CDH8: variants seen among roughly 807,000 people sequenced by gnomAD.
CDH8 encodes the protein cadherin 8.
CDH8 carries 17 observed loss-of-function variants against 68.1 expected under a neutral mutation model. That is an observed-to-expected ratio of 0.25 (90% CI 0.17 to 0.37). The LOEUF (loss-of-function observed/expected upper bound fraction) is 0.37, where lower values mean the gene tolerates loss of function less well. Ranked by LOEUF, CDH8 falls within the 10% of genes least tolerant of loss-of-function variation. The probability of loss-of-function intolerance (pLI) is 1.00; values close to 1 mark genes in which losing one functional copy is unlikely to be tolerated. For missense variants in CDH8, 763 were observed against 999.3 expected, an observed-to-expected ratio of 0.76 and a Z score of 3.19; for synonymous variants, 372 against 365.1, an observed-to-expected ratio of 1.02 and a Z score of -0.21.
intron 4 of CDH8, among the ~76,000 whole-genome samples, chr16:61,846,443 T>C: frequency 6.6e-6 from 1 of 152,128 alleles, no homozygotes; most frequent in Non-Finnish European, 1.5e-5. Context: ...ATCTATTCAC[T>C]TAATTGAAAA....
chr16:61,793,657 T>C (rs1961434462), intron 7 of CDH8, among the ~76,000 whole-genome samples: 1 of 152,070 alleles, frequency 6.6e-6, no homozygotes, highest in Non-Finnish European at 1.5e-5. Context: ...CTATTGTTGA[T>C]GGGCATTTCA....
intron 2 of CDH8, among the ~76,000 whole-genome samples, chr16:62,014,875 A>C (rs1901898666): frequency 6.6e-6 from 1 of 152,150 alleles, no homozygotes; most frequent in South Asian, 2.1e-4. Context: ...TTAGTATAGA[A>C]GAACTATGAC....
intron 7 of CDH8, among the ~76,000 whole-genome samples, chr16:61,795,008 C>G (rs1250237792): frequency 6.6e-6 from 1 of 151,838 alleles, no homozygotes; most frequent in African/African-American, 2.4e-5. Context: ...ATTCAGTTTG[C>G]TTTTTTCTGG....
chr16:61,977,913 T>A (rs1308197681), intron 2 of CDH8, among the ~76,000 whole-genome samples: 4 of 151,950 alleles, frequency 2.6e-5, no homozygotes, highest in Admixed American at 2.6e-4. Context: ...ATTCAGTACA[T>A]ATCCGCTTTA....
chr16:62,028,061 A>ATTTTT (rs768513131), intron 1 of CDH8, among the ~76,000 whole-genome samples: 1 of 115,840 alleles, frequency 8.6e-6, no homozygotes, highest in Non-Finnish European at 1.8e-5. Context: ...TGTCAAATCC[A>ATTTTT]TTTTTTTTTT....
At chr16:62,034,449 A>G (rs750455132) in intron 1 of CDH8, among the ~76,000 whole-genome samples, 3 of 152,140 alleles carry the variant, frequency 2.0e-5, no homozygotes, top group Non-Finnish European at 2.9e-5. Flanking sequence ...GTGACAGCCC[A>G]AGGAGGGTTT....
intron 8 of CDH8, among the ~76,000 whole-genome samples, chr16:61,728,433 C>T (rs1161848288): frequency 6.6e-6 from 1 of 150,952 alleles, no homozygotes; most frequent in African/African-American, 2.4e-5. Context: ...TGAATACTAT[C>T]CTGAGGGATT....
At chr16:61,700,903 A>G (rs1467229344) in intron 10 of CDH8, among the ~76,000 whole-genome samples, 1 of 152,212 alleles carries the variant, frequency 6.6e-6, no homozygotes. Context: ...AATGTCCTCA[A>G]CACAAATAAA....
intron 2 of CDH8, among the ~76,000 whole-genome samples, chr16:61,996,787 C>A (rs1965810646): frequency 6.6e-6 from 1 of 151,976 alleles, no homozygotes; most frequent in South Asian, 2.1e-4. Context: ...TGCTACATTG[C>A]CAAAGCTGGT....
rs185956559 is a variant in CDH8 at position 61,799,902 on chromosome 16, C to A, written c.1278-10420G>T. On this transcript the variant is annotated intron_variant, in intron 7 of 11. Transcript: ENST00000577390. ...TTAAGCAAGATATGGTCTATTAACT[C>A]TTTTCCCCCCCCCAAAGACAAGGTC... 3.1e-4 allele frequency among the ~76,000 whole-genome samples: 47 copies of A among 152,214 alleles called. No homozygotes were observed. In the East Asian group the frequency reaches 8.7e-3, roughly 28 times the overall value.
intron 7 of CDH8, among the ~76,000 whole-genome samples, chr16:61,816,708 G>A (rs1962082871): frequency 6.6e-6 from 1 of 151,994 alleles, no homozygotes; most frequent in African/African-American, 2.4e-5. Context: ...TTTAGCTGGA[G>A]AACCTGTACT....
chr16:61,777,502 A>T (rs1960931052), intron 8 of CDH8, among the ~76,000 whole-genome samples: 1 of 152,130 alleles, frequency 6.6e-6, no homozygotes, highest in African/African-American at 2.4e-5. Flanking sequence ...TTTTGAGCTT[A>T]GGACTGGGAG....
chr16:61,983,914 T>C (rs1363228482), intron 2 of CDH8, among the ~76,000 whole-genome samples: 11 of 128,832 alleles, frequency 8.5e-5, no homozygotes, highest in Non-Finnish European at 1.8e-4. Flanking sequence ...TTTTATTTTA[T>C]TTTATTTTAT....
At chr16:61,773,249 A>C (rs983093911) in intron 8 of CDH8, among the ~76,000 whole-genome samples, 1 of 152,068 alleles carries the variant, frequency 6.6e-6, no homozygotes, top group Non-Finnish European at 1.5e-5. Context: ...AACACTGTCT[A>C]TCCCATGTAG....
chr16:61,989,771 C>G (rs554074759), intron 2 of CDH8, among the ~76,000 whole-genome samples: 1 of 152,264 alleles, frequency 6.6e-6, no homozygotes, highest in African/African-American at 2.4e-5. Context: ...AACAAATAAG[C>G]ACTCTACAAA....
chr16:61,917,289 C>T (rs1277805509), intron 2 of CDH8, among the ~76,000 whole-genome samples: 2 of 152,042 alleles, frequency 1.3e-5, no homozygotes, highest in Admixed American at 6.6e-5. Context: ...TGAACCAATT[C>T]AGTTCTCCCT....
chr16:61,832,367 GAT>G lies in CDH8; in HGVS notation c.668-7190_668-7189del, dbSNP rs879427179. Among the ~76,000 whole-genome samples the G allele has an allele frequency of 3.7e-3, 566 of 151,534 alleles. 1 individual carries two copies. Among genetic ancestry groups the G allele is most frequent in the Non-Finnish European group, 4.5e-3 (307 of 67,772 alleles). ...AGATAGATAGATAGATAGATAGATA[GAT>G]AGATAGATAGATACATAGAGAAATA... On this transcript the variant is annotated intron_variant, in intron 4 of 11. Coordinates refer to ENST00000577390, the MANE Select transcript of CDH8 (RefSeq NM_001796.5).
At chr16:61,720,775 G>T (rs1447869068) in intron 9 of CDH8, among the ~76,000 whole-genome samples, 3 of 150,758 alleles carry the variant, frequency 2.0e-5, no homozygotes, top group African/African-American at 7.3e-5. Flanking sequence ...TAGAGCAATA[G>T]ATTTGTCTAT....
intron 8 of CDH8, among the ~76,000 whole-genome samples, chr16:61,767,727 T>C (rs1960629402): frequency 6.6e-6 from 1 of 151,868 alleles, no homozygotes; most frequent in South Asian, 2.1e-4. Context: ...ATTCCTAAAG[T>C]GAATGTTGCT....
Sources: gnomAD v4.1 joint callset for allele counts (sites outside exome capture counted in the v4.1 genomes callset) on GRCh38, gnomAD v4.1.1 for gene constraint, MANE v1.5 for transcripts, NCBI Gene and HGNC (gene_info 2026-07-23, HGNC 2026-07-21) for gene names.